GLIS3: variants seen among roughly 807,000 people sequenced by gnomAD.
GLIS3 encodes the protein zinc finger protein GLIS3.
A neutral mutation model predicts 78.6 loss-of-function variants in GLIS3; 53 were observed. The ratio of observed to expected loss-of-function variants is 0.67; its 90% CI spans 0.54 to 0.85. GLIS3 has a LOEUF of 0.85. Among genes scored for constraint, GLIS3 ranks in the 40% least tolerant of loss-of-function variants. The pLI is 0.00. For synonymous variants in GLIS3, 684 were observed against 509.9 expected (o/e 1.34, Z -4.60); for missense variants, 1,703 against 1,231.1 (o/e 1.38, Z -5.74).
intron 2 of GLIS3, among the ~76,000 whole-genome samples, chr9:4,244,761 G>A (rs140895888): frequency 6.6e-6 from 1 of 151,988 alleles, no homozygotes; most frequent in Non-Finnish European, 1.5e-5. Flanking sequence ...TTTTAGTAGA[G>A]ATAGGGTTTC....
chr9:4,451,664 C>T, the GLIS3 span, among the ~76,000 whole-genome samples: 1 of 152,106 alleles, frequency 6.6e-6, no homozygotes. Context: ...GACCACAGTG[C>T]CATCAAATTA....
intron 4 of GLIS3, among the ~76,000 whole-genome samples, chr9:3,997,743 A>C (rs1325047351): frequency 6.6e-6 from 1 of 152,170 alleles, no homozygotes; most frequent in African/African-American, 2.4e-5. Flanking sequence ...GCAAACATCA[A>C]ACTTAGTGGG....
chr9:4,230,147 G>C (rs1262712457), intron 2 of GLIS3, among the ~76,000 whole-genome samples: 1 of 152,172 alleles, frequency 6.6e-6, no homozygotes, highest in East Asian at 1.9e-4. Flanking sequence ...CTCCAAAACA[G>C]CCCCTCTGAT....
chr9:4,299,044 C>T (rs1363505033), intron 1 of GLIS3, among the ~76,000 whole-genome samples: 1 of 152,190 alleles, frequency 6.6e-6, no homozygotes, highest in Non-Finnish European at 1.5e-5. Flanking sequence ...CCCGTGCGTC[C>T]TGTAACGTGC....
At chr9:3,889,781 T>TA (rs898272334) in intron 7 of GLIS3, among the ~76,000 whole-genome samples, 79 of 152,318 alleles carry the variant, frequency 5.2e-4, no homozygotes, top group Middle Eastern at 3.4e-3. Context: ...TAATAACTTT[T>TA]AAAAAATTTT....
At chr9:4,280,648 G>C (rs68129397) in intron 2 of GLIS3, among the ~76,000 whole-genome samples, 9,300 of 152,130 alleles carry the variant, frequency 0.061, 651 homozygotes, top group African/African-American at 0.17. Flanking sequence ...AATTTAAATG[G>C]GAATAGCTGG....
At chr9:3,927,834 G>T (rs2130760809) in intron 6 of GLIS3, among the ~76,000 whole-genome samples, 1 of 152,292 alleles carries the variant, frequency 6.6e-6, no homozygotes, top group South Asian at 2.1e-4. Context: ...CAAGCAACTG[G>T]TTTCAAATCC....
intron 6 of GLIS3, 153 bp from the exon 7 acceptor site, chr9:3,898,988 A>G: frequency 1.1e-6 from 1 of 875,368 alleles, no homozygotes; most frequent in Non-Finnish European, 1.8e-6. Flanking sequence ...CAGAGTGTCA[A>G]TAAAAGGATC....
the GLIS3 span, among the ~76,000 whole-genome samples, chr9:4,482,391 C>T: frequency 6.6e-6 from 1 of 152,028 alleles, no homozygotes; most frequent in Non-Finnish European, 1.5e-5. Context: ...ATTTATAGTT[C>T]CAAGATAAGT....
chr9:4,237,267 C>T (rs1587091597), intron 2 of GLIS3, among the ~76,000 whole-genome samples: 2 of 151,804 alleles, frequency 1.3e-5, no homozygotes, highest in African/African-American at 2.4e-5. Context: ...AAGGCATAGC[C>T]GGTTAAGTAC....
the GLIS3 span, among the ~76,000 whole-genome samples, chr9:4,359,444 G>C: frequency 6.6e-6 from 1 of 152,130 alleles, no homozygotes; most frequent in East Asian, 1.9e-4. Context: ...ACTGTAATGA[G>C]ACTAAATCCT....
At chr9:4,021,861 C>T (rs1201295359) in intron 4 of GLIS3, among the ~76,000 whole-genome samples, 1 of 152,178 alleles carries the variant, frequency 6.6e-6, no homozygotes, top group Non-Finnish European at 1.5e-5. Context: ...GTTTATCGGG[C>T]ACAACATATC....
At chr9:4,363,911 T>A in the GLIS3 span, among the ~76,000 whole-genome samples, 1 of 152,226 alleles carries the variant, frequency 6.6e-6, no homozygotes. Flanking sequence ...CAAGAGTGTT[T>A]CCAGTTATGA....
intron 4 of GLIS3, among the ~76,000 whole-genome samples, chr9:4,010,155 T>A (rs1821883315): frequency 6.6e-6 from 1 of 151,972 alleles, no homozygotes; most frequent in Admixed American, 6.5e-5. Flanking sequence ...GGTAACAAGA[T>A]AGATAGAATA....
intron 2 of GLIS3, among the ~76,000 whole-genome samples, chr9:4,172,399 C>A (rs748512416): frequency 5.9e-5 from 9 of 152,124 alleles, no homozygotes; most frequent in Non-Finnish European, 1.3e-4. Flanking sequence ...CACATGCAAG[C>A]AGTTTCTCCT....
At chr9:4,406,611 TACA>T in the GLIS3 span, among the ~76,000 whole-genome samples, 1 of 152,140 alleles carries the variant, frequency 6.6e-6, no homozygotes, top group Non-Finnish European at 1.5e-5. Context: ...AGTTACAGGA[TACA>T]AAATCAACAA....
At chr9:4,186,443 G>C (rs912671273) in intron 2 of GLIS3, among the ~76,000 whole-genome samples, 4 of 151,882 alleles carry the variant, frequency 2.6e-5, no homozygotes, top group African/African-American at 9.7e-5. Context: ...GTTGTGAATA[G>C]TGCCACAATA....
chr9:4,139,929 C>T (rs1481810107), intron 2 of GLIS3, among the ~76,000 whole-genome samples: 1 of 152,190 alleles, frequency 6.6e-6, no homozygotes, highest in African/African-American at 2.4e-5. Flanking sequence ...CACGGCCAGG[C>T]AGTTGGGGAC....
At chr9:4,151,356 T>C (rs571922125) in intron 2 of GLIS3, among the ~76,000 whole-genome samples, 65 of 152,312 alleles carry the variant, frequency 4.3e-4, no homozygotes, top group African/African-American at 1.5e-3. Flanking sequence ...CTATATGTTT[T>C]AGCAGAAACA....
Sources: gnomAD v4.1 joint callset for allele counts (sites outside exome capture counted in the v4.1 genomes callset) on GRCh38, gnomAD v4.1.1 for gene constraint, MANE v1.5 for transcripts, NCBI Gene and HGNC (gene_info 2026-07-23, HGNC 2026-07-21) for gene names.